DPP6: variants seen among roughly 807,000 people sequenced by gnomAD.
DPP6 encodes the protein dipeptidyl peptidase like 6, also known as A-type potassium channel modulatory protein DPP6.
A neutral mutation model predicts 122.6 loss-of-function variants in DPP6; 69 were observed. The observed-to-expected ratio is 0.56, with a 90% confidence interval of 0.46 to 0.69. DPP6 has a LOEUF of 0.69. Among genes scored for constraint, DPP6 ranks in the 30% least tolerant of loss-of-function variants. The probability of loss-of-function intolerance (pLI) is 0.00; values close to 1 mark genes in which losing one functional copy is unlikely to be tolerated. For synonymous variants in DPP6, 418 were observed against 433.1 expected (o/e 0.97, Z 0.43); for missense variants, 928 against 1,116.9 (o/e 0.83, Z 2.41).
chr7:154,784,729 A>G (rs1797236263), intron 10 of DPP6, among the ~76,000 whole-genome samples: 1 of 152,150 alleles, frequency 6.6e-6, no homozygotes, highest in Non-Finnish European at 1.5e-5. Context: ...CCCTGAACAA[A>G]AAGAGCAAGC....
intron 1 of DPP6, among the ~76,000 whole-genome samples, chr7:154,101,406 TCTTCTTTCTTTC>T (rs1218696676): frequency 1.3e-5 from 2 of 150,106 alleles, no homozygotes; most frequent in East Asian, 2.0e-4. Context: ...CCTCTCCCTT[TCTTCTTTCTTTC>T]CTTCTTTCTT....
intron 1 of DPP6, among the ~76,000 whole-genome samples, chr7:154,419,805 G>T (rs1817312294): frequency 6.6e-6 from 1 of 152,128 alleles, no homozygotes; most frequent in South Asian, 2.1e-4. Context: ...CATAACAGCA[G>T]CACCGTTTTG....
At chr7:154,887,583 C>T (rs780738684) in intron 22 of DPP6, 93 bp from the exon 23 acceptor site, 21 of 1,305,164 alleles carry the variant, frequency 1.6e-5, no homozygotes, top group Middle Eastern at 1.9e-4. Flanking sequence ...GTCCTCACCC[C>T]GCACCCGGTC....
intron 1 of DPP6, among the ~76,000 whole-genome samples, chr7:154,409,278 G>C (rs1174796044): frequency 6.6e-6 from 1 of 152,192 alleles, no homozygotes; most frequent in Non-Finnish European, 1.5e-5. Context: ...TATAGGAAGA[G>C]ATTAGGACAC....
At chr7:154,779,201 A>C (rs1266633923) in intron 10 of DPP6, among the ~76,000 whole-genome samples, 1 of 93,230 alleles carries the variant, frequency 1.1e-5, no homozygotes, top group East Asian at 3.6e-4. Context: ...AACTTCTACC[A>C]CCACCAGGTC....
At chr7:154,017,710 A>T (rs1798490482) in intron 1 of DPP6, among the ~76,000 whole-genome samples, 1 of 121,572 alleles carries the variant, frequency 8.2e-6, no homozygotes, top group African/African-American at 3.9e-5. Context: ...AAAAAAAATA[A>T]AAAAAAAATA....
intron 1 of DPP6, among the ~76,000 whole-genome samples, chr7:154,086,994 G>A (rs1408445739): frequency 6.6e-6 from 1 of 152,186 alleles, no homozygotes; most frequent in African/African-American, 2.4e-5. Flanking sequence ...ATGAAATGAT[G>A]TGGTTCAGGG....
intron 4 of DPP6, among the ~76,000 whole-genome samples, chr7:154,566,400 G>C (rs1016509877): frequency 6.6e-6 from 1 of 152,018 alleles, no homozygotes; most frequent in Non-Finnish European, 1.5e-5. Flanking sequence ...TCATGCCTCA[G>C]CCTCCCAAGT....
At position 154,176,510 on chromosome 7, in the gene DPP6, C is replaced by G. The variant is rs141676554; in HGVS notation, c.243+123447C>G. On this transcript the variant is annotated intron_variant, in intron 1 of 25. Transcript: ENST00000377770. ...AGAATGTCTTGCAACATGGTAAGGA[C>G]AAGTGTGTTTGGTGAAACTTTTGTT... Among the ~76,000 whole-genome samples, 1,032 of 152,330 alleles carry G rather than the reference C, an allele frequency of 6.8e-3. 5 individuals carry two copies. The highest frequency in any genetic ancestry group is 0.011 in the Non-Finnish European group (757 of 68,030).
chr7:153,820,356 C>A, the DPP6 span, among the ~76,000 whole-genome samples: 1 of 152,168 alleles, frequency 6.6e-6, no homozygotes, highest in Admixed American at 6.5e-5. Flanking sequence ...TAATCTCAAT[C>A]TTTTAAGAAA....
chr7:153,916,345 T>C (rs1800314921), intron 1 of DPP6, among the ~76,000 whole-genome samples: 1 of 140,504 alleles, frequency 7.1e-6, no homozygotes, highest in Non-Finnish European at 1.5e-5. Flanking sequence ...TTCCCCTATC[T>C]CCCCTTCCCT....
At chr7:154,824,268 T>TTTTGTTTG (rs146035535) in intron 16 of DPP6, among the ~76,000 whole-genome samples, 17 of 151,402 alleles carry the variant, frequency 1.1e-4, no homozygotes, top group African/African-American at 4.1e-4. Flanking sequence ...GTTGTTGTTG[T>TTTTGTTTG]TTTGTTTGTT....
At chr7:154,022,603 C>T (rs533701227) in intron 1 of DPP6, among the ~76,000 whole-genome samples, 1 of 152,220 alleles carries the variant, frequency 6.6e-6, no homozygotes, top group African/African-American at 2.4e-5. Context: ...AATTTTAAGG[C>T]AAATTTTATA....
At chr7:154,454,420 T>C (rs1820650285) in intron 2 of DPP6, among the ~76,000 whole-genome samples, 1 of 152,246 alleles carries the variant, frequency 6.6e-6, no homozygotes, top group Non-Finnish European at 1.5e-5. Flanking sequence ...ATATTCATTA[T>C]GATGGTCCAA....
the DPP6 span, among the ~76,000 whole-genome samples, chr7:153,767,304 T>C: frequency 3.9e-3 from 599 of 152,318 alleles, 2 homozygotes; most frequent in Non-Finnish European, 6.6e-3. Flanking sequence ...GCAATTTTGA[T>C]GATAAGGACA....
At chr7:153,769,986 C>A in the DPP6 span, among the ~76,000 whole-genome samples, 1 of 152,114 alleles carries the variant, frequency 6.6e-6, no homozygotes, top group Admixed American at 6.5e-5. Flanking sequence ...GGTTCATATT[C>A]TCTTGAAGAC....
intron 1 of DPP6, among the ~76,000 whole-genome samples, chr7:154,104,154 G>A (rs1290659348): frequency 1.3e-5 from 2 of 152,192 alleles, no homozygotes; most frequent in Admixed American, 6.5e-5. Flanking sequence ...GTGGCCTCAC[G>A]GAACCCACGT....
the DPP6 span, among the ~76,000 whole-genome samples, chr7:153,817,252 C>T: frequency 6.8e-6 from 1 of 148,144 alleles, no homozygotes; most frequent in Non-Finnish European, 1.5e-5. Flanking sequence ...AGTTGGTCAC[C>T]AGGCAGCAGG....
At chr7:154,006,026 T>A (rs1797900410) in intron 1 of DPP6, among the ~76,000 whole-genome samples, 1 of 152,006 alleles carries the variant, frequency 6.6e-6, no homozygotes, top group African/African-American at 2.4e-5. Flanking sequence ...GTTGCTGGAT[T>A]GAATATGAGC....
Sources: allele counts gnomAD v4.1 joint callset (sites outside exome capture counted in the v4.1 genomes callset), GRCh38; gene constraint gnomAD v4.1.1; transcripts MANE v1.5; gene names NCBI Gene and HGNC (gene_info 2026-07-23, HGNC 2026-07-21).